PPFIA2: variants seen among roughly 807,000 people sequenced by gnomAD.
The protein encoded by PPFIA2 is PPFI scaffold protein A2.
Under a neutral mutation model 175.5 loss-of-function variants are expected in PPFIA2, and 46 were observed. The ratio of observed to expected loss-of-function variants is 0.26; its 90% confidence interval spans 0.21 to 0.34. PPFIA2 has a LOEUF of 0.34. Ranked by LOEUF, PPFIA2 falls within the 10% of genes least tolerant of loss-of-function variation. The probability of loss-of-function intolerance (pLI) is 1.00; values close to 1 mark genes in which losing one functional copy is unlikely to be tolerated. For synonymous variants in PPFIA2, 568 were observed against 511.4 expected, an observed-to-expected ratio of 1.11 and a Z score of -1.49; for missense variants, 1,179 against 1,506.1, an observed-to-expected ratio of 0.78 and a Z score of 3.60.
At chr12:81,642,765 T>C (rs201733578) in intron 4 of PPFIA2, among the ~76,000 whole-genome samples, 427 of 7,638 alleles carry the variant, frequency 0.056, 150 homozygotes, top group African/African-American at 0.32. Context: ...CATACATGTA[T>C]ATGTATGTAT....
At chr12:81,755,434 G>C (rs2084490710) in intron 2 of PPFIA2, among the ~76,000 whole-genome samples, 1 of 152,116 alleles carries the variant, frequency 6.6e-6, no homozygotes, top group African/African-American at 2.4e-5. Context: ...GCACTGTTTG[G>C]TTTTATAATG....
At chr12:81,692,985 T>G (rs2075434526) in intron 3 of PPFIA2, among the ~76,000 whole-genome samples, 1 of 152,044 alleles carries the variant, frequency 6.6e-6, no homozygotes, top group Non-Finnish European at 1.5e-5. Context: ...AAGCAACTAA[T>G]TTTTAGTTGC....
In PPFIA2 at chr12:81,267,288, T is replaced by C. The variant is rs765400173; in HGVS notation, c.3487-268A>G. On this transcript the variant is annotated intron_variant, in intron 29 of 32. Transcript: ENST00000549396. Reference sequence around the variant, plus strand: ...TTTGGCCTCACTTCGTTACTATATTTCAATTGAGTATTTTGTTTAATCTCT... The same window carrying C: ...TTTGGCCTCACTTCGTTACTATATTCCAATTGAGTATTTTGTTTAATCTCT... 12 of 499,934 alleles carry C rather than the reference T, an allele frequency of 2.4e-5. No homozygotes were observed. In the East Asian group the frequency reaches 5.5e-4, roughly 23 times the overall value. 31.0% of individuals were successfully genotyped at this position (499,934 alleles called of 1,614,324 possible).
intron 4 of PPFIA2, among the ~76,000 whole-genome samples, chr12:81,517,218 A>C (rs767725692): frequency 2.0e-5 from 3 of 151,544 alleles, no homozygotes; most frequent in Non-Finnish European, 4.4e-5. Context: ...TGTCTTACCG[A>C]ATCACTGGTA....
intron 32 of PPFIA2, 62 bp from the exon 33 acceptor site, chr12:81,259,722 T>C: frequency 2.1e-6 from 3 of 1,438,194 alleles, no homozygotes; most frequent in East Asian, 2.5e-5. Flanking sequence ...AATCTCATTC[T>C]ACTCCTCTGT....
intron 4 of PPFIA2, among the ~76,000 whole-genome samples, chr12:81,481,896 C>A (rs1031513917): frequency 1.3e-5 from 2 of 152,078 alleles, no homozygotes; most frequent in African/African-American, 4.8e-5. Context: ...TAAATGGGAG[C>A]TAATTAAACT....
At chr12:81,546,271 G>A (rs2066978470) in intron 4 of PPFIA2, 1 of 152,098 alleles carries the variant, frequency 6.6e-6, no homozygotes, top group Non-Finnish European at 1.5e-5. Flanking sequence ...ACACACAGGT[G>A]TTCAGGGGAT....
intron 7 of PPFIA2, among the ~76,000 whole-genome samples, chr12:81,439,535 T>C (rs2049765399): frequency 6.6e-6 from 1 of 152,132 alleles, no homozygotes; most frequent in Non-Finnish European, 1.5e-5. Flanking sequence ...TTCAGTGACG[T>C]CACTAAATAT....
intron 3 of PPFIA2, among the ~76,000 whole-genome samples, chr12:81,725,736 C>T (rs2079986281): frequency 6.6e-6 from 1 of 150,594 alleles, no homozygotes; most frequent in Non-Finnish European, 1.5e-5. Context: ...GAAACAAGCA[C>T]AGACAACCCT....
chr12:81,338,710 C>CA (rs2057520723), intron 21 of PPFIA2, among the ~76,000 whole-genome samples: 1 of 151,848 alleles, frequency 6.6e-6, no homozygotes, highest in Non-Finnish European at 1.5e-5. Context: ...ATTCTTTCAA[C>CA]AAAAAAACCT....
chr12:81,285,108 C>A lies in PPFIA2; in HGVS notation c.2926-805G>T, dbSNP rs184850133. 6.0e-4 allele frequency among the ~76,000 whole-genome samples: 91 copies of A among 152,122 alleles called. No individual in the cohort carries two copies. The East Asian group carries it at 0.014, about 23-fold the overall frequency. ...TCCCATTTGCTTTCTAAATAAAACA[C>A]CCCTTGGTATTAGTTCTATACACTT... On this transcript the variant is annotated intron_variant, in intron 24 of 32. Transcript: ENST00000549396.
intron 7 of PPFIA2, among the ~76,000 whole-genome samples, chr12:81,416,480 A>G (rs1376187844): frequency 6.6e-6 from 1 of 151,644 alleles, no homozygotes; most frequent in Non-Finnish European, 1.5e-5. Flanking sequence ...TAAAGAAAAT[A>G]TGGTAAAATC....
At chr12:81,310,525 A>G (rs923638351) in intron 22 of PPFIA2, among the ~76,000 whole-genome samples, 23 of 152,152 alleles carry the variant, frequency 1.5e-4, no homozygotes, top group African/African-American at 4.8e-4. Context: ...ATTTAATTCA[A>G]TAAGGACTCA....
chr12:81,261,869 GTA>G, intron 32 of PPFIA2, 78 bp downstream of exon 32: 1 of 922,088 alleles, frequency 1.1e-6, no homozygotes, highest in Non-Finnish European at 1.6e-6. Context: ...ATACCAAAGA[GTA>G]TAGTGTATAT....
chr12:81,440,436 C>A (rs2049964669), intron 6 of PPFIA2, among the ~76,000 whole-genome samples: 1 of 151,998 alleles, frequency 6.6e-6, no homozygotes. Context: ...CCACCTTTTT[C>A]TCTACTTCTG....
At chr12:81,379,984 T>G (rs2037275319) in intron 9 of PPFIA2, among the ~76,000 whole-genome samples, 1 of 152,216 alleles carries the variant, frequency 6.6e-6, no homozygotes, top group Non-Finnish European at 1.5e-5. Context: ...ACTCAATTAT[T>G]ACAACATACA....
chr12:81,524,527 CCCA>C (rs1473345729), intron 4 of PPFIA2, among the ~76,000 whole-genome samples: 4 of 152,172 alleles, frequency 2.6e-5, no homozygotes, highest in Non-Finnish European at 5.9e-5. Flanking sequence ...CCTTGCCTGT[CCCA>C]CCATTATATT....
chr12:81,626,061 T>C (rs1384051217), intron 4 of PPFIA2, among the ~76,000 whole-genome samples: 5 of 151,674 alleles, frequency 3.3e-5, no homozygotes, highest in Non-Finnish European at 7.4e-5. Context: ...GCAAAATATA[T>C]AAAGCTCATA....
intron 4 of PPFIA2, among the ~76,000 whole-genome samples, chr12:81,483,147 C>A (rs949346602): frequency 2.0e-5 from 3 of 152,078 alleles, no homozygotes; most frequent in Non-Finnish European, 4.4e-5. Context: ...TGAAAAATAG[C>A]GTAGAATTTA....
Sources: gnomAD v4.1 joint callset for allele counts (sites outside exome capture counted in the v4.1 genomes callset) on GRCh38, gnomAD v4.1.1 for gene constraint, MANE v1.5 for transcripts, NCBI Gene and HGNC (gene_info 2026-07-23, HGNC 2026-07-21) for gene names.